MAST4: variants seen among roughly 807,000 people sequenced by gnomAD.
MAST4 encodes microtubule associated serine/threonine kinase family member 4, also known as microtubule-associated serine/threonine-protein kinase 4.
In MAST4, 89 loss-of-function variants were observed where a neutral mutation model predicts 162.7. The ratio of observed to expected loss-of-function variants is 0.55; its 90% CI spans 0.46 to 0.65. MAST4 has a LOEUF of 0.65. Ranked by LOEUF, MAST4 falls within the 30% of genes least tolerant of loss-of-function variation. The pLI is 0.00. For missense variants in MAST4, 3,153 were observed against 3,374.0 expected, an observed-to-expected ratio of 0.93 and a Z score of 1.62; for synonymous variants, 1,479 against 1,361.1, an observed-to-expected ratio of 1.09 and a Z score of -1.91.
At chr5:66,717,626 G>C (rs10059826) in intron 1 of MAST4, among the ~76,000 whole-genome samples, 2,589 of 152,318 alleles carry the variant, frequency 0.017, 74 homozygotes, top group African/African-American at 0.058. Context: ...TCCACTTGAA[G>C]TGGCTTTGCT....
In MAST4 at chr5:67,131,904, A is replaced by G; in HGVS notation, c.2046A>G (p.Glu682=). ...MYFAETVLAL[E]YLHNYGIVHR... ...TTGCTGAGACGGTCTTGGCCTTGGA[A>G]TATTTACATAATTATGGAATTGTAC... The change falls in exon 16 of 29, where the codon GAA becomes GAG. Residue 682 remains glutamate (E), a synonymous_variant. Transcript: ENST00000403625. 6.2e-7 allele frequency: 1 copy of G among 1,613,298 alleles called. No homozygotes were observed. Among genetic ancestry groups the G allele is most frequent in the Non-Finnish European group, 8.5e-7 (1 of 1,179,392 alleles).
At position 67,116,769 on chromosome 5, in the gene MAST4, T is replaced by C. The variant is rs1196330747; in HGVS notation, c.1592-1913T>C. Among the ~76,000 whole-genome samples, 6 of 152,070 alleles carry C rather than the reference T, an allele frequency of 3.9e-5. No homozygotes were observed. In the East Asian group the frequency reaches 1.2e-3, roughly 30 times the overall value. On this transcript the variant is annotated intron_variant, in intron 12 of 28. Coordinates refer to ENST00000403625, the MANE Select transcript of MAST4 (RefSeq NM_001164664.2). ...AGGCAGAGGTTGCAGTGAGCCGAGA[T>C]GGCGCCATTGCACTACAGTCTGAGC... is the stretch of plus-strand genomic sequence containing the variant.
intron 4 of MAST4, among the ~76,000 whole-genome samples, chr5:66,901,498 T>G (rs1002662909): frequency 6.6e-6 from 1 of 152,146 alleles, no homozygotes; most frequent in Non-Finnish European, 1.5e-5. Context: ...TATTTAAGTT[T>G]CTTTATTTGA....
chr5:66,684,983 C>T (rs1326166423), intron 1 of MAST4, among the ~76,000 whole-genome samples: 5 of 152,164 alleles, frequency 3.3e-5, no homozygotes, highest in Non-Finnish European at 7.3e-5. Flanking sequence ...AATAGCTGGC[C>T]AGGTGGGGTG....
At chr5:66,792,235 T>C (rs1230760998) in intron 3 of MAST4, 2 of 167,894 alleles carry the variant, frequency 1.2e-5, no homozygotes, top group Non-Finnish European at 2.9e-5. Flanking sequence ...GGAGGTGCGT[T>C]GTGCAGTAGA....
chr5:67,138,005 A>G (rs1490560341), intron 19 of MAST4, among the ~76,000 whole-genome samples: 1 of 152,132 alleles, frequency 6.6e-6, no homozygotes, highest in African/African-American at 2.4e-5. Flanking sequence ...TGTCTTTTTT[A>G]CCTTTTTCAG....
At chr5:67,059,897 A>G (rs1027048766) in intron 5 of MAST4, among the ~76,000 whole-genome samples, 1 of 152,144 alleles carries the variant, frequency 6.6e-6, no homozygotes, top group African/African-American at 2.4e-5. Flanking sequence ...TCGGGTAGGC[A>G]CATGGGGTTT....
chr5:66,732,533 A>G (rs770046465), intron 1 of MAST4, among the ~76,000 whole-genome samples: 8 of 152,178 alleles, frequency 5.3e-5, no homozygotes, highest in Non-Finnish European at 1.2e-4. Flanking sequence ...ACTTTGTGCT[A>G]TAGTTATTTG....
rs193109891 is a variant in MAST4 at position 66,672,829 on chromosome 5, A to G, written c.363+75811A>G. Reference sequence around the variant, plus strand: ...GGCAGGGCTGTTAAGTCATAGAATAATTATATACAGTACATCATTTTATAA... The same window carrying G: ...GGCAGGGCTGTTAAGTCATAGAATAGTTATATACAGTACATCATTTTATAA... On this transcript the variant is annotated intron_variant, in intron 1 of 28. Transcript: ENST00000403625. Among the ~76,000 whole-genome samples the G allele has an allele frequency of 3.3e-5, 5 of 152,276 alleles. No individual in the cohort carries two copies. In the East Asian group the frequency reaches 9.6e-4, roughly 29 times the overall value.
At chr5:67,031,059 T>C (rs927371882) in intron 4 of MAST4, among the ~76,000 whole-genome samples, 5 of 152,182 alleles carry the variant, frequency 3.3e-5, no homozygotes, top group African/African-American at 9.7e-5. Context: ...CACTTCCACA[T>C]AGGATATTTT....
chr5:66,975,901 A>T (rs1333903478), intron 4 of MAST4, among the ~76,000 whole-genome samples: 1 of 152,138 alleles, frequency 6.6e-6, no homozygotes, highest in Non-Finnish European at 1.5e-5. Flanking sequence ...AGACTGAGGC[A>T]TGAAAATTGC....
chr5:67,090,765 G>A (rs1488412167), intron 6 of MAST4, among the ~76,000 whole-genome samples: 5 of 151,826 alleles, frequency 3.3e-5, no homozygotes, highest in African/African-American at 1.2e-4. Flanking sequence ...TCAGAGGATA[G>A]CAGGCACACA....
Position 67,165,599 on chromosome 5 carries a change from C to G in MAST4, c.6420C>G (p.Ala2140=), listed in dbSNP as rs1773810067. The G allele has an allele frequency of 6.2e-7, 1 of 1,613,628 alleles. No individual in the cohort carries two copies. The highest frequency in any genetic ancestry group is 1.3e-5 in the African/African-American group (1 of 74,918). Residue 2140 remains alanine, a synonymous_variant, in exon 29 of 29, where the codon GCC becomes GCG. Coordinates refer to ENST00000403625, the MANE Select transcript of MAST4 (RefSeq NM_001164664.2). ...GCATCCCTCCGCCCCCTCTGACGGC[C>G]AAAGACCTGTCCAGCCCGGCTGCCA... ...PSSIPPPPLT[A]KDLSSPAARQ... is the part of the protein sequence containing the mutation.
chr5:66,740,142 A>T (rs560709615), intron 1 of MAST4, among the ~76,000 whole-genome samples: 1 of 152,280 alleles, frequency 6.6e-6, no homozygotes, highest in South Asian at 2.1e-4. Flanking sequence ...CCCTGCATAA[A>T]GTTGAAACCC....
intron 1 of MAST4, among the ~76,000 whole-genome samples, chr5:66,648,847 T>G (rs2149445241): frequency 1.3e-5 from 2 of 152,306 alleles, no homozygotes; most frequent in Middle Eastern, 6.8e-3. Flanking sequence ...GTTCTTGAAG[T>G]AAAAATCTTA....
intron 1 of MAST4, among the ~76,000 whole-genome samples, chr5:66,684,091 CAT>C (rs1270261719): frequency 1.3e-5 from 2 of 152,166 alleles, no homozygotes; most frequent in African/African-American, 4.8e-5. Context: ...TTTTAAAAGA[CAT>C]AGTAGAGTGA....
At chr5:66,856,375 A>G (rs145857102) in intron 3 of MAST4, among the ~76,000 whole-genome samples, 192 of 152,274 alleles carry the variant, frequency 1.3e-3, no homozygotes, top group African/African-American at 4.3e-3. Context: ...TAGGACCTTG[A>G]TGGTTTGGAT....
chr5:67,018,930 T>A (rs1189595506), intron 4 of MAST4, among the ~76,000 whole-genome samples: 1 of 152,182 alleles, frequency 6.6e-6, no homozygotes, highest in Non-Finnish European at 1.5e-5. Flanking sequence ...AAATATTTTT[T>A]AAAAAATCAC....
At chr5:66,664,621 T>C (rs1012360586) in intron 1 of MAST4, among the ~76,000 whole-genome samples, 1 of 150,602 alleles carries the variant, frequency 6.6e-6, no homozygotes, top group Non-Finnish European at 1.5e-5. Context: ...AGAAGTTATT[T>C]AAAGCCACAA....
Sources: allele counts gnomAD v4.1 joint callset (sites outside exome capture counted in the v4.1 genomes callset), GRCh38; gene constraint gnomAD v4.1.1; transcripts MANE v1.5; gene names NCBI Gene and HGNC (gene_info 2026-07-23, HGNC 2026-07-21).